CLSTN2: variants seen among roughly 807,000 people sequenced by gnomAD.
CLSTN2 encodes the protein calsyntenin-2.
CLSTN2 carries 48 observed loss-of-function variants against 101.2 expected under a neutral mutation model. The ratio of observed to expected loss-of-function variants is 0.47; its 90% CI spans 0.38 to 0.60. The LOEUF (loss-of-function observed/expected upper bound fraction) is 0.60. Ranked by LOEUF, CLSTN2 falls within the 20% of genes least tolerant of loss-of-function variation. The probability of loss-of-function intolerance (pLI) is 0.00; values close to 1 mark genes in which losing one functional copy is unlikely to be tolerated. For synonymous variants in CLSTN2, 481 were observed against 463.6 expected, an observed-to-expected ratio of 1.04 and a Z score of -0.48; for missense variants, 1,160 against 1,238.2, an observed-to-expected ratio of 0.94 and a Z score of 0.95.
At chr3:140,303,038 A>G (rs1185120414) in intron 2 of CLSTN2, among the ~76,000 whole-genome samples, 1 of 152,204 alleles carries the variant, frequency 6.6e-6, no homozygotes, top group East Asian at 1.9e-4. Context: ...CTGCCCTTGA[A>G]GAGAACACAA....
intron 1 of CLSTN2, among the ~76,000 whole-genome samples, chr3:140,022,687 A>T (rs1157344142): frequency 1.3e-5 from 2 of 152,112 alleles, no homozygotes; most frequent in African/African-American, 4.8e-5. Context: ...GGAGAATGGG[A>T]TGGAGGTGGG....
At chr3:140,113,718 C>T (rs1454921351) in intron 1 of CLSTN2, among the ~76,000 whole-genome samples, 2 of 152,210 alleles carry the variant, frequency 1.3e-5, no homozygotes, top group Non-Finnish European at 2.9e-5. Context: ...TCCTATTTCA[C>T]AGACAAGAAA....
At chr3:140,417,531 G>A (rs993791502) in intron 4 of CLSTN2, among the ~76,000 whole-genome samples, 4 of 151,916 alleles carry the variant, frequency 2.6e-5, no homozygotes, top group African/African-American at 9.7e-5. Context: ...TATCCCCTCA[G>A]CCCCCACTCT....
intron 2 of CLSTN2, among the ~76,000 whole-genome samples, chr3:140,278,967 G>A (rs1223423449): frequency 2.0e-5 from 3 of 152,122 alleles, no homozygotes; most frequent in African/African-American, 7.2e-5. Flanking sequence ...GAATCCTTCT[G>A]CCTTAGCCTC....
At chr3:140,487,315 A>G (rs1248745214) in intron 8 of CLSTN2, among the ~76,000 whole-genome samples, 2 of 152,236 alleles carry the variant, frequency 1.3e-5, no homozygotes, top group Non-Finnish European at 2.9e-5. Flanking sequence ...AAATACTTTG[A>G]ATCCTCATTG....
chr3:140,140,148 C>G (rs1315790232), intron 1 of CLSTN2, among the ~76,000 whole-genome samples: 1 of 152,176 alleles, frequency 6.6e-6, no homozygotes, highest in Non-Finnish European at 1.5e-5. Flanking sequence ...GATGCTGATG[C>G]TGATGGTCCA....
At chr3:140,199,871 T>C (rs755122991) in intron 2 of CLSTN2, among the ~76,000 whole-genome samples, 20 of 152,226 alleles carry the variant, frequency 1.3e-4, no homozygotes, top group Non-Finnish European at 2.5e-4. Flanking sequence ...AATTAGACTT[T>C]AATGACATTT....
intron 1 of CLSTN2, among the ~76,000 whole-genome samples, chr3:139,997,064 A>G (rs1332203120): frequency 4.0e-5 from 6 of 151,544 alleles, no homozygotes; most frequent in African/African-American, 1.5e-4. Context: ...AAAAAAAAAA[A>G]AAGAAAAGGA....
At chr3:140,195,753 C>T (rs548643442) in intron 2 of CLSTN2, among the ~76,000 whole-genome samples, 25 of 152,186 alleles carry the variant, frequency 1.6e-4, no homozygotes, top group Admixed American at 2.6e-4. Context: ...CTCCAGGCAA[C>T]GAGCTTGTGA....
intron 8 of CLSTN2, among the ~76,000 whole-genome samples, chr3:140,481,385 C>T (rs1343424679): frequency 6.6e-6 from 1 of 152,160 alleles, no homozygotes; most frequent in Admixed American, 6.5e-5. Flanking sequence ...TAGCATGATG[C>T]CTCCAGCTTT....
intron 2 of CLSTN2, among the ~76,000 whole-genome samples, chr3:140,266,965 A>T (rs1231507183): frequency 2.6e-5 from 4 of 152,200 alleles, no homozygotes; most frequent in Non-Finnish European, 5.9e-5. Flanking sequence ...TCAGTAGAGG[A>T]CAGTATCATG....
At chr3:140,015,008 G>A (rs2007171503) in intron 1 of CLSTN2, among the ~76,000 whole-genome samples, 1 of 152,218 alleles carries the variant, frequency 6.6e-6, no homozygotes, top group Non-Finnish European at 1.5e-5. Context: ...CTCCTGGTCA[G>A]AGACAAAGGA....
intron 2 of CLSTN2, among the ~76,000 whole-genome samples, chr3:140,312,212 T>A (rs2087175806): frequency 6.6e-6 from 1 of 152,220 alleles, no homozygotes; most frequent in Non-Finnish European, 1.5e-5. Flanking sequence ...TATTTTGAGA[T>A]CCTAGGTGAG....
At chr3:140,503,020 A>G (rs1934612543) in intron 8 of CLSTN2, among the ~76,000 whole-genome samples, 2 of 152,184 alleles carry the variant, frequency 1.3e-5, no homozygotes, top group Admixed American at 1.3e-4. Flanking sequence ...TCTACTTTAC[A>G]GTTTACAACA....
At chr3:139,938,312 A>G (rs1935065694) in intron 1 of CLSTN2, among the ~76,000 whole-genome samples, 1 of 152,194 alleles carries the variant, frequency 6.6e-6, no homozygotes, top group African/African-American at 2.4e-5. Context: ...ATGTGCTCCC[A>G]GCTTCAGTCT....
chr3:140,270,822 T>C lies in CLSTN2; in HGVS notation c.232+94749T>C, dbSNP rs974661300. ...CATATGAATTTTACCTAGTCGCTGG[T>C]AGCAGAACTCCGGTACCTGTAGTCC... On this transcript the variant is annotated intron_variant, in intron 2 of 16. Transcript: ENST00000458420. Among the ~76,000 whole-genome samples, 11 of 152,178 alleles carry C rather than the reference T, an allele frequency of 7.2e-5. 1 individual carries two copies.
At chr3:140,253,458 T>A (rs536235879) in intron 2 of CLSTN2, among the ~76,000 whole-genome samples, 2 of 152,310 alleles carry the variant, frequency 1.3e-5, no homozygotes, top group Admixed American at 1.3e-4. Context: ...TTGTTTATGA[T>A]ATTACGTAAT....
At chr3:140,140,401 TGAGAGA>T (rs372472278) in intron 1 of CLSTN2, among the ~76,000 whole-genome samples, 3 of 149,868 alleles carry the variant, frequency 2.0e-5, no homozygotes, top group East Asian at 2.0e-4. Flanking sequence ...CATCACATGA[TGAGAGA>T]GAGAGAGAGA....
At chr3:140,212,275 T>G (rs1340788126) in intron 2 of CLSTN2, among the ~76,000 whole-genome samples, 1 of 152,198 alleles carries the variant, frequency 6.6e-6, no homozygotes, top group Non-Finnish European at 1.5e-5. Flanking sequence ...CTGTCCAGTG[T>G]TAAAATGAGT....
Sources: allele counts gnomAD v4.1 joint callset (sites outside exome capture counted in the v4.1 genomes callset), GRCh38; gene constraint gnomAD v4.1.1; transcripts MANE v1.5; gene names NCBI Gene and HGNC (gene_info 2026-07-23, HGNC 2026-07-21).